Variants in KCNH7 observed in about 807,000 individuals in gnomAD.
KCNH7 encodes the protein potassium voltage-gated channel subfamily H member 7.
KCNH7 carries 49 observed loss-of-function variants against 120.8 expected under a neutral mutation model. That is an observed-to-expected ratio of 0.41 (90% CI 0.32 to 0.51). The LOEUF (loss-of-function observed/expected upper bound fraction) is 0.51. KCNH7 is among the 20% of genes least tolerant of loss of function. The pLI is 0.38. For synonymous variants in KCNH7, 547 were observed against 516.1 expected, an observed-to-expected ratio of 1.06 and a Z score of -0.81; for missense variants, 1,097 against 1,446.6, an observed-to-expected ratio of 0.76 and a Z score of 3.92.
At chr2:162,625,595 T>A (rs1683524387) in intron 2 of KCNH7, among the ~76,000 whole-genome samples, 1 of 152,092 alleles carries the variant, frequency 6.6e-6, no homozygotes, top group Non-Finnish European at 1.5e-5. Flanking sequence ...GATTTAAAAA[T>A]AGAATTGGGT....
intron 2 of KCNH7, among the ~76,000 whole-genome samples, chr2:162,788,015 G>GT (rs1283193928): frequency 7.4e-5 from 11 of 149,538 alleles, no homozygotes; most frequent in African/African-American, 1.3e-4. Context: ...TATGTAAAGA[G>GT]TAGAGGAGGA....
In KCNH7 at chr2:162,791,189, A is replaced by G. The variant is rs962031240; in HGVS notation, c.307+45348T>C. Among the ~76,000 whole-genome samples, 8 of 152,106 alleles carry G rather than the reference A, an allele frequency of 5.3e-5. No homozygotes were observed. In the South Asian group the frequency reaches 1.4e-3, roughly 28 times the overall value. Reference sequence around the variant, plus strand: ...ACTAACAACAAACTATCCAGAAAAGAAATTAAGTCAGGTAGCATGATGCCT... The same window carrying G: ...ACTAACAACAAACTATCCAGAAAAGGAATTAAGTCAGGTAGCATGATGCCT... On this transcript the variant is annotated intron_variant, in intron 2 of 15. Coordinates refer to ENST00000332142, the MANE Select transcript of KCNH7 (RefSeq NM_033272.4).
At chr2:162,619,099 A>T (rs1244799006) in intron 2 of KCNH7, among the ~76,000 whole-genome samples, 1 of 152,110 alleles carries the variant, frequency 6.6e-6, no homozygotes, top group African/African-American at 2.4e-5. Context: ...CCATTCATTT[A>T]TTCATTCATT....
At chr2:162,518,927 A>C (rs1280490058) in intron 3 of KCNH7, among the ~76,000 whole-genome samples, 2 of 151,260 alleles carry the variant, frequency 1.3e-5, no homozygotes, top group African/African-American at 2.4e-5. Context: ...CAGATGTTAA[A>C]AATTAAAATA....
intron 3 of KCNH7, among the ~76,000 whole-genome samples, chr2:162,526,459 C>G (rs1004149156): frequency 6.6e-6 from 1 of 151,910 alleles, no homozygotes; most frequent in Non-Finnish European, 1.5e-5. Context: ...TATTTCATCC[C>G]TACAGCTTCG....
chr2:162,466,768 A>C (rs1219672291), intron 6 of KCNH7, among the ~76,000 whole-genome samples: 1 of 152,314 alleles, frequency 6.6e-6, no homozygotes, highest in East Asian at 1.9e-4. Flanking sequence ...CAGCTAAAAT[A>C]CTCAAAAGTA....
chr2:162,771,100 C>G lies in KCNH7; in HGVS notation c.307+65437G>C, dbSNP rs544458469. ...AGATAATCATGAATTCTTGCTTAGACTATTGTAGTGTCTACAGATCTCCAA... is the reference window on the plus strand; with the variant it reads ...AGATAATCATGAATTCTTGCTTAGAGTATTGTAGTGTCTACAGATCTCCAA... On this transcript the variant is annotated intron_variant, in intron 2 of 15. Coordinates refer to ENST00000332142, the MANE Select transcript of KCNH7 (RefSeq NM_033272.4). 3.3e-5 allele frequency among the ~76,000 whole-genome samples: 5 copies of G among 152,230 alleles called. No individual in the cohort carries two copies. The South Asian group carries it at 1.0e-3, about 32-fold the overall frequency.
chr2:162,497,727 C>T (rs1040002060), intron 6 of KCNH7, among the ~76,000 whole-genome samples: 2 of 152,148 alleles, frequency 1.3e-5, no homozygotes, highest in African/African-American at 4.8e-5. Context: ...AATTTCTTCT[C>T]TATGAAATGC....
intron 9 of KCNH7, 53 bp from the exon 10 acceptor site, chr2:162,400,494 C>T: frequency 6.3e-7 from 1 of 1,575,238 alleles, no homozygotes; most frequent in Non-Finnish European, 8.7e-7. Flanking sequence ...GTATCTCTGC[C>T]TGAAATACAG....
chr2:162,625,228 T>C (rs562381439), intron 2 of KCNH7, among the ~76,000 whole-genome samples: 2 of 152,142 alleles, frequency 1.3e-5, no homozygotes, highest in Admixed American at 6.6e-5. Flanking sequence ...ATCTCTAAGT[T>C]CAAATCATGG....
At chr2:162,489,976 A>G (rs1041649487) in intron 6 of KCNH7, among the ~76,000 whole-genome samples, 1 of 152,260 alleles carries the variant, frequency 6.6e-6, no homozygotes, top group African/African-American at 2.4e-5. Context: ...GATGAATTCA[A>G]TATAGTTTTA....
chr2:162,406,685 T>C (rs1157922183), intron 9 of KCNH7, among the ~76,000 whole-genome samples: 1 of 152,016 alleles, frequency 6.6e-6, no homozygotes. Context: ...GCATACAGCT[T>C]TAATATTTTA....
At chr2:162,772,979 C>T (rs1683109464) in intron 2 of KCNH7, among the ~76,000 whole-genome samples, 1 of 152,174 alleles carries the variant, frequency 6.6e-6, no homozygotes, top group Non-Finnish European at 1.5e-5. Context: ...GCTTTGCACC[C>T]ATCTTTTCCC....
intron 8 of KCNH7, among the ~76,000 whole-genome samples, chr2:162,430,870 T>C (rs1688042451): frequency 6.6e-6 from 1 of 151,766 alleles, no homozygotes. Context: ...ATTAAATATA[T>C]ACATGTTATT....
At chr2:162,418,073 C>T (rs973019002) in intron 9 of KCNH7, among the ~76,000 whole-genome samples, 2 of 152,108 alleles carry the variant, frequency 1.3e-5, no homozygotes, top group African/African-American at 4.8e-5. Context: ...TTAGTACATT[C>T]CCAGTTTCTG....
chr2:162,492,050 C>A (rs1401659454), intron 6 of KCNH7, among the ~76,000 whole-genome samples: 2 of 152,178 alleles, frequency 1.3e-5, no homozygotes, highest in African/African-American at 4.8e-5. Flanking sequence ...AACCCAGAAG[C>A]CTGACATGCC....
chr2:162,516,301 C>T lies in KCNH7; in HGVS notation c.892+1429G>A, dbSNP rs148403405. On this transcript the variant is annotated intron_variant, in intron 4 of 15. Coordinates refer to ENST00000332142, the MANE Select transcript of KCNH7 (RefSeq NM_033272.4). ...CACTATATGTAAATATTGGTTTGCACACTCGAGTGTGAAATGATTTAATTC... is the reference window on the plus strand; with the variant it reads ...CACTATATGTAAATATTGGTTTGCATACTCGAGTGTGAAATGATTTAATTC... Among the ~76,000 whole-genome samples, 119 of 151,808 alleles carry T rather than the reference C, an allele frequency of 7.8e-4. No homozygotes were observed. In the East Asian group the frequency reaches 0.018, roughly 23 times the overall value.
chr2:162,823,505 G>A (rs942657384), intron 2 of KCNH7, among the ~76,000 whole-genome samples: 4 of 152,134 alleles, frequency 2.6e-5, no homozygotes, highest in Non-Finnish European at 5.9e-5. Flanking sequence ...TAGTTAAAGT[G>A]GGTGTGGTAA....
rs1683705166 is a variant in KCNH7, at chr2:162,786,358, C to T, written c.307+50179G>A. 2.0e-5 allele frequency among the ~76,000 whole-genome samples: 3 copies of T among 152,120 alleles called. No individual in the cohort carries two copies. The South Asian group carries it at 6.2e-4, about 32-fold the overall frequency. On this transcript the variant is annotated intron_variant, in intron 2 of 15. Coordinates refer to ENST00000332142, the MANE Select transcript of KCNH7 (RefSeq NM_033272.4). The stretch of plus-strand genomic sequence containing the variant: ...ATGTCAACCCCTCCTTACTTAAACT[C>T]CATTATGTAGCTACAATTACCCCTA...
Sources: allele counts gnomAD v4.1 joint callset (sites outside exome capture counted in the v4.1 genomes callset), GRCh38; gene constraint gnomAD v4.1.1; transcripts MANE v1.5; gene names NCBI Gene and HGNC (gene_info 2026-07-23, HGNC 2026-07-21).